GRID2: variants seen among roughly 807,000 people sequenced by gnomAD.
GRID2 encodes glutamate ionotropic receptor delta type subunit 2.
In GRID2, 33 loss-of-function variants were observed where a neutral mutation model predicts 114.8. That is an observed-to-expected ratio of 0.29 (90% confidence interval 0.22 to 0.38). The LOEUF is 0.38. Among genes scored for constraint, GRID2 ranks in the 10% least tolerant of loss-of-function variants. The pLI, the probability that GRID2 is intolerant of heterozygous loss-of-function variation, is 1.00. For synonymous variants in GRID2, 505 were observed against 449.9 expected (o/e 1.12, Z -1.55); for missense variants, 1,184 against 1,257.7 (o/e 0.94, Z 0.89).
chr4:93,145,860 A>G (rs1457896926), intron 4 of GRID2, among the ~76,000 whole-genome samples: 1 of 93,100 alleles, frequency 1.1e-5, no homozygotes. Flanking sequence ...ATGCACACAC[A>G]CACATACACA....
chr4:93,563,054 A>C (rs1735073820), intron 13 of GRID2, among the ~76,000 whole-genome samples: 1 of 152,030 alleles, frequency 6.6e-6, no homozygotes, highest in South Asian at 2.1e-4. Flanking sequence ...GGATAGTTTT[A>C]TAGCAGTGAA....
At chr4:92,353,015 AT>A (rs1394853001) in intron 1 of GRID2, among the ~76,000 whole-genome samples, 1 of 151,608 alleles carries the variant, frequency 6.6e-6, no homozygotes, top group Non-Finnish European at 1.5e-5. Context: ...AGTAATCTGT[AT>A]GTTTGTCCTA....
At chr4:93,729,653 C>T (rs2110219981) in intron 14 of GRID2, among the ~76,000 whole-genome samples, 1 of 152,014 alleles carries the variant, frequency 6.6e-6, no homozygotes, top group Middle Eastern at 3.4e-3. Context: ...TCAAGCGATT[C>T]TCCTCCCTCA....
At chr4:93,057,075 T>C (rs561680458) in intron 2 of GRID2, among the ~76,000 whole-genome samples, 2 of 151,902 alleles carry the variant, frequency 1.3e-5, no homozygotes, top group South Asian at 2.1e-4. Context: ...TTAAAGGACA[T>C]ACAGCTCTAT....
intron 13 of GRID2, among the ~76,000 whole-genome samples, chr4:93,584,124 T>A (rs776280479): frequency 1.3e-5 from 2 of 152,102 alleles, no homozygotes; most frequent in Non-Finnish European, 2.9e-5. Context: ...GTAAAATATA[T>A]CTAGAAGTTC....
intron 1 of GRID2, among the ~76,000 whole-genome samples, chr4:92,535,340 T>C (rs1725562884): frequency 6.6e-6 from 1 of 152,196 alleles, no homozygotes; most frequent in Non-Finnish European, 1.5e-5. Context: ...AACATTTCTC[T>C]TTGTACTACA....
Position 93,455,939 on chromosome 4 carries a change from C to T in GRID2, c.1823C>T (p.Ser608Phe), listed in dbSNP as rs1259021388. 6.2e-7 allele frequency: 1 copy of T among 1,609,868 alleles called. No homozygotes were observed. Among genetic ancestry groups the T allele is most frequent in the Non-Finnish European group, 8.5e-7 (1 of 1,176,386 alleles). Residue 608 changes from serine to phenylalanine, a missense_variant, in exon 11 of 16, where the codon TCC becomes TTC. Transcript: ENST00000282020. ...GSMTSTTLYN[S>F]MWFVYGSFVQ... The stretch of plus-strand genomic sequence containing the variant: ...ATGACGTCTACTACTCTCTACAACT[C>T]CATGTGGTTTGTGTATGGATCTTTT...
At chr4:92,750,615 AT>A (rs1203615106) in intron 2 of GRID2, among the ~76,000 whole-genome samples, 1 of 152,152 alleles carries the variant, frequency 6.6e-6, no homozygotes, top group Non-Finnish European at 1.5e-5. Flanking sequence ...GCACCTGAAC[AT>A]TTCTTATGTC....
chr4:93,704,989 A>C (rs1375390629), intron 14 of GRID2, among the ~76,000 whole-genome samples: 4 of 152,136 alleles, frequency 2.6e-5, no homozygotes, highest in African/African-American at 7.2e-5. Flanking sequence ...TGGCTGGATC[A>C]CATGGTAACT....
chr4:92,647,669 T>C (rs1038239876), intron 2 of GRID2, among the ~76,000 whole-genome samples: 1 of 149,768 alleles, frequency 6.7e-6, no homozygotes, highest in African/African-American at 2.5e-5. Flanking sequence ...TTATATGTTA[T>C]GAAATTTTCC....
intron 2 of GRID2, among the ~76,000 whole-genome samples, chr4:93,059,696 G>A (rs2149291087): frequency 6.6e-6 from 1 of 151,760 alleles, no homozygotes; most frequent in African/African-American, 2.4e-5. Context: ...TGTTAAGAAA[G>A]ACATTCTAAT....
At chr4:93,002,866 A>G (rs1331870744) in intron 2 of GRID2, among the ~76,000 whole-genome samples, 1 of 151,768 alleles carries the variant, frequency 6.6e-6, no homozygotes, top group Non-Finnish European at 1.5e-5. Flanking sequence ...GTAGGGGAGA[A>G]TCCATTTCTT....
chr4:93,574,681 G>C (rs112970940), intron 13 of GRID2, among the ~76,000 whole-genome samples: 1 of 152,208 alleles, frequency 6.6e-6, no homozygotes, highest in African/African-American at 2.4e-5. Flanking sequence ...CTCCCACCAG[G>C]TCCCTCCCAC....
chr4:92,318,228 A>G (rs1726101691), intron 1 of GRID2, among the ~76,000 whole-genome samples: 1 of 149,922 alleles, frequency 6.7e-6, no homozygotes, highest in African/African-American at 2.4e-5. Flanking sequence ...TTTCAACATT[A>G]TTGATGGTGT....
chr4:93,173,295 A>T (rs1739026955), intron 4 of GRID2, among the ~76,000 whole-genome samples: 1 of 152,118 alleles, frequency 6.6e-6, no homozygotes, highest in Admixed American at 6.6e-5. Flanking sequence ...TTTAAGCACC[A>T]TTTTTAAGAA....
chr4:92,634,046 C>T (rs914035081), intron 2 of GRID2, among the ~76,000 whole-genome samples: 22 of 151,290 alleles, frequency 1.5e-4, no homozygotes, highest in African/African-American at 5.3e-4. Flanking sequence ...ATTCTGTGGG[C>T]CACATTGGAA....
chr4:93,319,009 T>C (rs919878734), intron 8 of GRID2: 7 of 152,182 alleles, frequency 4.6e-5, no homozygotes, highest in African/African-American at 1.4e-4. Flanking sequence ...ATTTCCATCA[T>C]GTAAATACTC....
intron 1 of GRID2, among the ~76,000 whole-genome samples, chr4:92,451,664 A>ATGAG (rs1288538685): frequency 2.6e-5 from 4 of 152,218 alleles, no homozygotes; most frequent in African/African-American, 9.6e-5. Flanking sequence ...AATGATATGC[A>ATGAG]TGAGTGCTTC....
chr4:93,523,556 G>T (rs1268324445), intron 13 of GRID2, among the ~76,000 whole-genome samples: 1 of 152,138 alleles, frequency 6.6e-6, no homozygotes, highest in African/African-American at 2.4e-5. Context: ...CAGTAATCTG[G>T]AAATTTCAGA....
Sources: gnomAD v4.1 joint callset for allele counts (sites outside exome capture counted in the v4.1 genomes callset) on GRCh38, gnomAD v4.1.1 for gene constraint, MANE v1.5 for transcripts, NCBI Gene and HGNC (gene_info 2026-07-23, HGNC 2026-07-21) for gene names.